SPON2: variants seen among roughly 807,000 people sequenced by gnomAD.
SPON2 encodes spondin 2, also known as spondin-2.
A neutral mutation model predicts 29.9 loss-of-function variants in SPON2; 32 were observed. The observed-to-expected ratio is 1.07, with a 90% confidence interval of 0.81 to 1.44. The LOEUF (loss-of-function observed/expected upper bound fraction) is 1.44, where lower values mean the gene tolerates loss of function less well. Ranked by LOEUF, SPON2 falls within the 40% of genes most tolerant of loss-of-function variation. The pLI, the probability that SPON2 is intolerant of heterozygous loss-of-function variation, is 0.00. For synonymous variants in SPON2, 248 were observed against 209.1 expected (o/e 1.19, Z -1.61); for missense variants, 541 against 455.5 (o/e 1.19, Z -1.71).
At chr4:1,183,242 A>AC (rs1184279585) in intron 1 of SPON2, among the ~76,000 whole-genome samples, 3 of 149,474 alleles carry the variant, frequency 2.0e-5, no homozygotes, top group African/African-American at 4.9e-5. Context: ...AACTCCATCA[A>AC]AAAAAAAAAA....
At chr4:1,195,051 A>G (rs1194076206) in exon 1 of SPON2, 420 of 107,182 alleles carry the variant, frequency 3.9e-3, no homozygotes, top group African/African-American at 0.015. Context: ...GGCGGCTCCA[A>G]CCCCGCAGCC....
At chr4:1,172,197 C>G (rs1257285654) in intron 1 of SPON2, 123 bp from the exon 2 acceptor site, 13 of 798,148 alleles carry the variant, frequency 1.6e-5, no homozygotes, top group Non-Finnish European at 9.8e-6. Context: ...GACCCCCTCC[C>G]TGCTCCGCAA....
rs74714351 is a variant in SPON2, at chr4:1,202,218, T to C, written c.-234+5662A>G. On this transcript the variant is annotated intron_variant, in intron 1 of 3. Transcript: ENST00000509233. This position sits in a 1 kb window ranked among gnomAD's most constrained non-coding sequence, Gnocchi z 5.4. ...GGGTTCTCCTCTTCCACGATGGCCC[T>C]TGCACGTCGCATCCTCACCGGCTGG... Among the ~76,000 whole-genome samples, 1,881 of 152,308 alleles carry C rather than the reference T, an allele frequency of 0.012. 14 individuals are homozygous for C. The highest frequency in any genetic ancestry group is 0.018 in the Non-Finnish European group (1,250 of 68,018).
chr4:1,178,844 C>T (rs1383487144), intron 2 of SPON2, among the ~76,000 whole-genome samples: 1 of 152,134 alleles, frequency 6.6e-6, no homozygotes, highest in Non-Finnish European at 1.5e-5. Flanking sequence ...TCCCACACTG[C>T]ACAGCAGGAC....
chr4:1,172,173 C>T (rs528017228), intron 1 of SPON2, 99 bp from the exon 2 acceptor site: 204 of 997,214 alleles, frequency 2.0e-4, no homozygotes, highest in Middle Eastern at 1.6e-3. Flanking sequence ...CTGAGGACGG[C>T]CCCGAGCACC....
chr4:1,185,989 A>C lies in SPON2; in HGVS notation c.-238-6448T>G, dbSNP rs139814229. Among the ~76,000 whole-genome samples the C allele has an allele frequency of 2.9e-3, 444 of 151,778 alleles. 3 individuals are homozygous for C. Among genetic ancestry groups the C allele is most frequent in the Middle Eastern group, 0.017 (5 of 294 alleles). On this transcript the variant is annotated intron_variant, in intron 1 of 3. Coordinates refer to the SPON2 transcript ENST00000502483. Reference sequence around the variant, plus strand: ...GCCGGGCGTGGTGGCTCACGCCTGTAATCCCAGCACTTTGGGAGGCCGAGG... The same window carrying C: ...GCCGGGCGTGGTGGCTCACGCCTGTCATCCCAGCACTTTGGGAGGCCGAGG...
At position 1,172,040 on chromosome 4, in the gene SPON2, C is replaced by T. The variant is rs367983395; in HGVS notation, c.32G>A (p.Gly11Asp). Residue 11 changes from glycine to aspartate, a missense_variant, in exon 2 of 6, where the codon GGC becomes GAC. Coordinates refer to ENST00000290902, the MANE Select transcript of SPON2 (RefSeq NM_012445.4). Reference protein sequence around the residue: MENPSPAAALGKALCALLLAT... With the variant: MENPSPAAALDKALCALLLAT... ...CAGGAGGAGAGCGCAGAGGGCCTTG[C>T]CCAGGGCGGCGGCCGGGCTGGGGTT... is the stretch of plus-strand genomic sequence containing the variant. The T allele has an allele frequency of 1.9e-6, 3 of 1,612,186 alleles. No individual in the cohort carries two copies. Among genetic ancestry groups the T allele is most frequent in the African/African-American group, 1.3e-5 (1 of 75,020 alleles).
chr4:1,194,262 T>C (rs1012436428), intron 1 of SPON2, among the ~76,000 whole-genome samples: 4 of 151,958 alleles, frequency 2.6e-5, no homozygotes, highest in African/African-American at 7.3e-5. Context: ...GCCAAGGCCA[T>C]GTCATTGGGA....
intron 1 of SPON2, among the ~76,000 whole-genome samples, chr4:1,184,952 G>C (rs994297702): frequency 1.5e-5 from 2 of 135,564 alleles, no homozygotes; most frequent in Admixed American, 1.5e-4. Context: ...AAAAAAAAAA[G>C]AATACAATAA....
At chr4:1,183,717 G>T (rs1307364778) in intron 1 of SPON2, among the ~76,000 whole-genome samples, 2 of 152,282 alleles carry the variant, frequency 1.3e-5, no homozygotes, top group Non-Finnish European at 2.9e-5. Flanking sequence ...AGAATTTATT[G>T]AAATTAAGCA....
intron 5 of SPON2, 94 bp downstream of exon 5, chr4:1,170,308 G>T: frequency 7.9e-7 from 1 of 1,265,502 alleles, no homozygotes; most frequent in Non-Finnish European, 1.1e-6. Flanking sequence ...ATCCCTACTT[G>T]GAATTTCTCA....
At chr4:1,190,080 A>G (rs1281384953) in intron 1 of SPON2, among the ~76,000 whole-genome samples, 1 of 152,062 alleles carries the variant, frequency 6.6e-6, no homozygotes, top group Non-Finnish European at 1.5e-5. Flanking sequence ...ATTTACTAAA[A>G]TCAGGAATGA....
upstream of SPON2, among the ~76,000 whole-genome samples, chr4:1,173,621 C>G (rs370256384): frequency 6.6e-6 from 1 of 152,236 alleles, no homozygotes; most frequent in Non-Finnish European, 1.5e-5. Flanking sequence ...CAATCCTTCC[C>G]GGCCTCTGCT....
rs764036002 is a variant in SPON2, at chr4:1,172,005, CGA to C, written c.65_66del (p.Leu22ArgfsTer56). 3.1e-6 allele frequency: 5 copies of C among 1,612,806 alleles called. No individual in the cohort carries two copies. In the South Asian group the frequency reaches 4.4e-5, roughly 14 times the overall value. The stretch of plus-strand genomic sequence containing the variant: ...CCCCCAAGAGGCTGGCCGGCGGCGC[CGA>C]GAGTGGCCAGGAGGAGAGCGCAGAG... ...KALCALLLAT[L>X]GAAGQPLGGE... On this transcript the variant is annotated frameshift_variant, in exon 2 of 6. Coordinates refer to ENST00000290902, the MANE Select transcript of SPON2 (RefSeq NM_012445.4). LOFTEE classifies it high-confidence loss of function.
At chr4:1,201,019 T>TA (rs1380962998) in intron 1 of SPON2, 1 of 456,564 alleles carries the variant, frequency 2.2e-6, no homozygotes, top group Non-Finnish European at 4.4e-6. Context: ...GTTCCCACCA[T>TA]ACCTGGTCTG....
chr4:1,177,535 A>G (rs1197257791), upstream of SPON2, among the ~76,000 whole-genome samples: 5 of 151,984 alleles, frequency 3.3e-5, no homozygotes, highest in African/African-American at 7.3e-5. Context: ...AGCAGACGGC[A>G]TACAGGAATG....
At chr4:1,176,892 CCATT>C (rs1003025030), upstream of SPON2, among the ~76,000 whole-genome samples, 6 of 151,906 alleles carry the variant, frequency 3.9e-5, no homozygotes, top group African/African-American at 1.5e-4. Flanking sequence ...TTCATTCACA[CCATT>C]CATTCATTCA....
At chr4:1,184,705 C>G (rs1193434963) in intron 1 of SPON2, among the ~76,000 whole-genome samples, 2 of 152,034 alleles carry the variant, frequency 1.3e-5, no homozygotes, top group Non-Finnish European at 2.9e-5. Flanking sequence ...GAGGCTGAGG[C>G]AGGCAGATCA....
At chr4:1,187,996 A>C (rs957908793) in intron 1 of SPON2, among the ~76,000 whole-genome samples, 7 of 151,902 alleles carry the variant, frequency 4.6e-5, no homozygotes, top group African/African-American at 1.7e-4. Context: ...GAGGTCAGGA[A>C]TTTAAGACAA....
Sources: gnomAD v4.1 joint callset for allele counts (sites outside exome capture counted in the v4.1 genomes callset) on GRCh38, gnomAD v4.1.1 for gene constraint, Gnocchi (gnomAD v3.1) non-coding constraint, MANE v1.5 for transcripts, NCBI Gene and HGNC (gene_info 2026-07-23, HGNC 2026-07-21) for gene names.